The following TMEM272 variants were observed in gnomAD, a reference collection of about 807,000 sequenced individuals.
TMEM272 encodes long intergenic non-protein coding RNA 282.
A neutral mutation model predicts 3.7 loss-of-function variants in TMEM272; 8 were observed. The observed-to-expected ratio is 2.17, with a 90% CI of 1.27 to 3.91. TMEM272 has a LOEUF of 3.91. TMEM272 is among the 30% of genes most tolerant of loss of function. The pLI, the probability that TMEM272 is intolerant of heterozygous loss-of-function variation, is 0.00. For synonymous variants in TMEM272, 63 were observed against 39.8 expected, an observed-to-expected ratio of 1.58 and a Z score of -2.20; for missense variants, 166 against 91.5, an observed-to-expected ratio of 1.81 and a Z score of -3.32.
At chr13:51,882,673 T>C in the TMEM272 span, among the ~76,000 whole-genome samples, 1 of 152,064 alleles carries the variant, frequency 6.6e-6, no homozygotes, top group Non-Finnish European at 1.5e-5. Flanking sequence ...ACCTAAGTGA[T>C]GGTTCTATCT....
chr13:51,903,972 T>TGTGTGTGTGTGTGTGC, the TMEM272 span, among the ~76,000 whole-genome samples: 2 of 151,432 alleles, frequency 1.3e-5, no homozygotes, highest in Non-Finnish European at 1.5e-5. Flanking sequence ...TGTGTGTGTG[T>TGTGTGTGTGTGTGTGC]TTAGAAAGAA....
intron 4 of TMEM272, among the ~76,000 whole-genome samples, chr13:51,819,449 A>G (rs1370079624): frequency 6.6e-6 from 1 of 152,112 alleles, no homozygotes; most frequent in Non-Finnish European, 1.5e-5. Context: ...GTGTCCCCAG[A>G]TCTGGCTGCC....
the TMEM272 span, among the ~76,000 whole-genome samples, chr13:51,905,826 CTA>C: frequency 5.3e-5 from 8 of 152,366 alleles, no homozygotes; most frequent in Non-Finnish European, 1.0e-4. Flanking sequence ...CCCCATGGTT[CTA>C]TGATGGAGAG....
At chr13:51,858,862 A>T in the TMEM272 span, among the ~76,000 whole-genome samples, 2 of 152,068 alleles carry the variant, frequency 1.3e-5, no homozygotes, top group Admixed American at 6.5e-5. Context: ...GCAAACAGTG[A>T]GAACTTCTCG....
At chr13:51,859,543 C>CACAT in the TMEM272 span, among the ~76,000 whole-genome samples, 2 of 150,808 alleles carry the variant, frequency 1.3e-5, no homozygotes, top group African/African-American at 4.9e-5. Context: ...CACACACACA[C>CACAT]ACACAGACAC....
At chr13:51,916,725 A>G in the TMEM272 span, among the ~76,000 whole-genome samples, 2 of 152,178 alleles carry the variant, frequency 1.3e-5, no homozygotes, top group East Asian at 3.9e-4. Context: ...CTTAAGTTTC[A>G]TCTTTTAAAT....
chr13:51,868,022 TGGAAA>T, the TMEM272 span, among the ~76,000 whole-genome samples: 1 of 152,254 alleles, frequency 6.6e-6, no homozygotes, highest in Non-Finnish European at 1.5e-5. Context: ...TTATCTGCTG[TGGAAA>T]GGAAGTTCTC....
intron 2 of TMEM272, among the ~76,000 whole-genome samples, chr13:51,830,569 C>T (rs1291775112): frequency 1.3e-5 from 2 of 152,194 alleles, no homozygotes; most frequent in Non-Finnish European, 2.9e-5. Flanking sequence ...GGGCACTAAA[C>T]GCAGGGTCTG....
the TMEM272 span, chr13:51,910,478 A>G: frequency 1.3e-6 from 1 of 773,314 alleles, no homozygotes; most frequent in East Asian, 2.5e-5. Context: ...ATCCAAGGAC[A>G]GCTGCACATA....
At chr13:51,857,843 AAACTC>A in the TMEM272 span, among the ~76,000 whole-genome samples, 3 of 152,132 alleles carry the variant, frequency 2.0e-5, no homozygotes. Flanking sequence ...AGAAAAAACA[AAACTC>A]AACTATATGT....
the TMEM272 span, among the ~76,000 whole-genome samples, chr13:51,875,884 G>T: frequency 1.3e-5 from 2 of 152,138 alleles, no homozygotes; most frequent in Admixed American, 6.5e-5. Context: ...ACAAAGATCA[G>T]TGCAAACCCC....
chr13:51,833,368 A>G (rs1243213431), intron 2 of TMEM272, among the ~76,000 whole-genome samples: 1 of 152,168 alleles, frequency 6.6e-6, no homozygotes, highest in African/African-American at 2.4e-5. Flanking sequence ...TCAAATAATC[A>G]TCAATAATAT....
the TMEM272 span, among the ~76,000 whole-genome samples, chr13:51,890,973 C>A: frequency 1.3e-5 from 2 of 152,160 alleles, no homozygotes; most frequent in Non-Finnish European, 2.9e-5. Flanking sequence ...GAATGTTGTA[C>A]ACAAGTCTGT....
At chr13:51,869,389 T>C in the TMEM272 span, among the ~76,000 whole-genome samples, 3 of 152,146 alleles carry the variant, frequency 2.0e-5, no homozygotes, top group Non-Finnish European at 4.4e-5. Context: ...TTAAACGGTA[T>C]CAATGGGGCT....
rs1040598683 is a variant in TMEM272, at chr13:51,814,579, T to C, written c.*2172A>G. On this transcript the variant is annotated 3_prime_UTR_variant, in exon 5 of 5. Transcript: ENST00000629372. Reference sequence around the variant, plus strand: ...ATGTATGACCTATACAAAGAGATCATCACCTCTTCCTTACTGCTTTGGTGA... The same window carrying C: ...ATGTATGACCTATACAAAGAGATCACCACCTCTTCCTTACTGCTTTGGTGA... The C allele has an allele frequency of 1.3e-5, 2 of 152,236 alleles. No homozygotes were observed. The highest frequency in any genetic ancestry group is 2.4e-5 in the African/African-American group (1 of 41,466). The allele number at this position is 152,236 out of a possible 1,614,324, so 9.4% of individuals were successfully genotyped here.
chr13:51,916,174 A>G, the TMEM272 span, among the ~76,000 whole-genome samples: 5 of 152,218 alleles, frequency 3.3e-5, no homozygotes, highest in African/African-American at 1.2e-4. Context: ...TACAAGTGAA[A>G]TATTAATAAC....
the TMEM272 span, among the ~76,000 whole-genome samples, chr13:51,877,051 C>A: frequency 4.4e-4 from 67 of 152,194 alleles, no homozygotes; most frequent in Non-Finnish European, 4.9e-4. Flanking sequence ...ACTTGACACT[C>A]ACCAGTGTTC....
the TMEM272 span, among the ~76,000 whole-genome samples, chr13:51,863,536 TGAGGA>T: frequency 1.3e-5 from 2 of 152,122 alleles, no homozygotes; most frequent in Admixed American, 1.3e-4. Flanking sequence ...GCTTGATGGT[TGAGGA>T]GAGAAGTCTG....
chr13:51,835,920 A>G lies in TMEM272; in HGVS notation c.58+2553T>C, dbSNP rs538613189. Reference sequence around the variant, plus strand: ...CCTTAGTACAGTCGCAGCTTCTTAAATTTACATTGATACAATATTTTAATC... The same window carrying G: ...CCTTAGTACAGTCGCAGCTTCTTAAGTTTACATTGATACAATATTTTAATC... On this transcript the variant is annotated intron_variant, in intron 2 of 4. Coordinates refer to ENST00000629372, the MANE Select transcript of TMEM272 (RefSeq NM_001351003.2). Among the ~76,000 whole-genome samples, 3 of 152,304 alleles carry G rather than the reference A, an allele frequency of 2.0e-5. No individual in the cohort carries two copies. The South Asian group carries it at 6.2e-4, about 32-fold the overall frequency.
Sources: gnomAD v4.1 joint callset for allele counts (sites outside exome capture counted in the v4.1 genomes callset) on GRCh38, gnomAD v4.1.1 for gene constraint, MANE v1.5 for transcripts, NCBI Gene and HGNC (gene_info 2026-07-23, HGNC 2026-07-21) for gene names.